Variants in CLSTN1 observed in about 807,000 individuals in gnomAD.
The protein encoded by CLSTN1 is calsyntenin-1.
A neutral mutation model predicts 108.3 loss-of-function variants in CLSTN1; 28 were observed. The ratio of observed to expected loss-of-function variants is 0.26; its 90% confidence interval spans 0.19 to 0.35. CLSTN1 has a LOEUF of 0.35. Among genes scored for constraint, CLSTN1 ranks in the 10% least tolerant of loss-of-function variants. CLSTN1 has a pLI of 1.00. For synonymous variants in CLSTN1, 524 were observed against 534.9 expected (o/e 0.98, Z 0.28); for missense variants, 1,157 against 1,302.6 (o/e 0.89, Z 1.72).
intron 1 of CLSTN1, among the ~76,000 whole-genome samples, chr1:9,791,618 G>A (rs935329501): frequency 8.6e-5 from 13 of 150,956 alleles, no homozygotes; most frequent in African/African-American, 2.4e-4. Flanking sequence ...TGCAACCTCC[G>A]CCTTCTGGGT....
intron 1 of CLSTN1, among the ~76,000 whole-genome samples, chr1:9,783,899 A>G (rs1167190285): frequency 6.6e-6 from 1 of 152,130 alleles, no homozygotes; most frequent in Non-Finnish European, 1.5e-5. Context: ...AGGCTGAGAC[A>G]GGAGAATTGC....
chr1:9,784,361 T>G (rs61785187), intron 1 of CLSTN1, among the ~76,000 whole-genome samples: 1 of 146,640 alleles, frequency 6.8e-6, no homozygotes, highest in African/African-American at 2.5e-5. Context: ...AAAAAAAAGT[T>G]AGCTGGCATG....
intron 2 of CLSTN1, among the ~76,000 whole-genome samples, chr1:9,762,224 G>C (rs1570463549): frequency 6.6e-6 from 1 of 152,158 alleles, no homozygotes; most frequent in African/African-American, 2.4e-5. Context: ...CATTTTGGGA[G>C]GCCAAGGTGG....
At chr1:9,757,357 T>A (rs1000666671) in intron 2 of CLSTN1, among the ~76,000 whole-genome samples, 1 of 150,264 alleles carries the variant, frequency 6.7e-6, no homozygotes. Context: ...TTCTCCTACC[T>A]CAGCCTCCCG....
At chr1:9,797,550 A>G (rs1353022141) in intron 1 of CLSTN1, among the ~76,000 whole-genome samples, 3 of 152,072 alleles carry the variant, frequency 2.0e-5, no homozygotes, top group Non-Finnish European at 2.9e-5. Context: ...CTCAGGCGGG[A>G]GGATCATGTG....
chr1:9,730,640 G>T lies in CLSTN1; in HGVS notation c.2814C>A (p.Asp938Glu). 6.2e-7 allele frequency: 1 copy of T among 1,610,358 alleles called. No individual in the cohort carries two copies. The highest frequency in any genetic ancestry group is 8.5e-7 in the Non-Finnish European group (1 of 1,179,934). ...TGGTGATGTCATCCTCTTCTTCGCCGTCCTCGCTTTCCTCTTCCTCTTCCT... is the reference window on the plus strand; with the variant it reads ...TGGTGATGTCATCCTCTTCTTCGCCTTCCTCGCTTTCCTCTTCCTCTTCCT... ...EEEEEEEESE[D>E]GEEEDDITSA... Residue 938 changes from aspartate (D) to glutamate (E), a missense_variant, in exon 19 of 19, where the codon GAC becomes GAA. Physicochemically the swap from Asp to Glu is conservative, Grantham distance 45. Transcript: ENST00000377298. The surrounding 1 kb of genome is among the most constrained non-coding windows in gnomAD (Gnocchi z 5.6).
Position 9,734,259 on chromosome 1 carries a change from C to A in CLSTN1, c.2111-117G>T, listed in dbSNP as rs978830498. The A allele has an allele frequency of 1.0e-6, 1 of 988,962 alleles. No homozygotes were observed. Among genetic ancestry groups the A allele is most frequent in the Non-Finnish European group, 1.5e-6 (1 of 663,154 alleles). The allele number at this position is 988,962 out of a possible 1,614,324, so 61.3% of individuals were successfully genotyped here. A position where few individuals can be genotyped will look rare whatever the true frequency, so the allele number is the denominator to read the frequency against. ...CCTACATGGCTCTCGTAAGGACCAACGACAGAAGCAAGCGAGAGTTGCTTT... is the reference window on the plus strand; with the variant it reads ...CCTACATGGCTCTCGTAAGGACCAAAGACAGAAGCAAGCGAGAGTTGCTTT... On this transcript the variant is annotated intron_variant, in intron 14 of 18. Coordinates refer to ENST00000377298, the MANE Select transcript of CLSTN1 (RefSeq NM_001009566.3). This position sits in a 1 kb window ranked among gnomAD's most constrained non-coding sequence, Gnocchi z 4.8.
At chr1:9,803,135 C>T (rs189538274) in intron 1 of CLSTN1, among the ~76,000 whole-genome samples, 10 of 152,124 alleles carry the variant, frequency 6.6e-5, no homozygotes, top group Non-Finnish European at 1.5e-4. Flanking sequence ...AAGTACTTAA[C>T]ATTCTAATGC....
At chr1:9,755,440 C>CA in intron 3 of CLSTN1, 131 bp from the exon 4 acceptor site, 1 of 692,394 alleles carries the variant, frequency 1.4e-6, no homozygotes, top group Non-Finnish European at 2.4e-6. Flanking sequence ...TTGGAGGGTC[C>CA]GTGGACAAAG....
intron 1 of CLSTN1, among the ~76,000 whole-genome samples, chr1:9,790,909 G>A (rs2101224729): frequency 6.6e-6 from 1 of 151,244 alleles, no homozygotes; most frequent in East Asian, 2.0e-4. Context: ...CAAGGTGAGT[G>A]GATCATGAGG....
In CLSTN1 at chr1:9,814,912, AG is replaced by A. The variant is rs200246017; in HGVS notation, c.91+8730del. ...AAGATCCTGTCTCAAAAAAAAAAAAAGAAAAATGTCACTTTTCTAAACTAGT... is the reference window on the plus strand; with the variant it reads ...AAGATCCTGTCTCAAAAAAAAAAAAAAAAAATGTCACTTTTCTAAACTAGT... On this transcript the variant is annotated intron_variant, in intron 1 of 18. Transcript: ENST00000377298. Among the ~76,000 whole-genome samples the A allele has an allele frequency of 5.6e-3, 815 of 145,282 alleles. 11 individuals are homozygous for A. Among genetic ancestry groups the A allele is most frequent in the African/African-American group, 0.02 (789 of 39,746 alleles).
At chr1:9,767,608 C>T (rs1294488346) in intron 2 of CLSTN1, among the ~76,000 whole-genome samples, 5 of 151,550 alleles carry the variant, frequency 3.3e-5, no homozygotes, top group African/African-American at 1.2e-4. Context: ...GCCCTCAGAG[C>T]AACCTCTGCC....
intron 1 of CLSTN1, among the ~76,000 whole-genome samples, chr1:9,778,753 GCC>G (rs1249700652): frequency 6.6e-6 from 1 of 152,052 alleles, no homozygotes; most frequent in Non-Finnish European, 1.5e-5. Flanking sequence ...GGTGGCTCAC[GCC>G]TGTAATCTTA....
intron 1 of CLSTN1, among the ~76,000 whole-genome samples, chr1:9,788,083 C>T (rs1056720614): frequency 6.6e-6 from 1 of 151,178 alleles, no homozygotes; most frequent in African/African-American, 2.4e-5. Context: ...GGCGAGACCC[C>T]GTCTCTACAA....
At chr1:9,785,714 C>T (rs900824069) in intron 1 of CLSTN1, among the ~76,000 whole-genome samples, 2 of 152,118 alleles carry the variant, frequency 1.3e-5, no homozygotes, top group African/African-American at 4.8e-5. Flanking sequence ...TTAAGGAAAA[C>T]CAATGATGTC....
chr1:9,740,699 T>A (rs1399070651), intron 10 of CLSTN1, among the ~76,000 whole-genome samples: 1 of 152,182 alleles, frequency 6.6e-6, no homozygotes, highest in Admixed American at 6.5e-5. Context: ...GTCCTCCAGG[T>A]CCAAGGCGCA....
chr1:9,818,414 C>T (rs555384694), intron 1 of CLSTN1, among the ~76,000 whole-genome samples: 17 of 150,768 alleles, frequency 1.1e-4, no homozygotes, highest in African/African-American at 3.7e-4. Context: ...CTACAACCTC[C>T]GCCTCCCGAG....
At chr1:9,784,934 A>T (rs1557713904) in intron 1 of CLSTN1, among the ~76,000 whole-genome samples, 4 of 152,146 alleles carry the variant, frequency 2.6e-5, no homozygotes, top group African/African-American at 9.7e-5. Context: ...TCACAGTTTT[A>T]AAATCAAAAT....
intron 2 of CLSTN1, among the ~76,000 whole-genome samples, chr1:9,763,872 T>G (rs547092486): frequency 6.6e-6 from 1 of 152,128 alleles, no homozygotes; most frequent in South Asian, 2.1e-4. Flanking sequence ...ACTCAAGCCC[T>G]GTAAACCACT....
Sources: gnomAD v4.1 joint callset for allele counts (sites outside exome capture counted in the v4.1 genomes callset) on GRCh38, gnomAD v4.1.1 for gene constraint, Gnocchi (gnomAD v3.1) non-coding constraint, MANE v1.5 for transcripts, NCBI Gene and HGNC (gene_info 2026-07-23, HGNC 2026-07-21) for gene names.